CELF4: variants seen among roughly 807,000 people sequenced by gnomAD.
CELF4 encodes the protein CUG-BP- and ETR-3-like factor 4.
CELF4 carries 18 observed loss-of-function variants against 59.9 expected under a neutral mutation model. The observed-to-expected ratio is 0.30, with a 90% CI of 0.21 to 0.45. The LOEUF (loss-of-function observed/expected upper bound fraction) is 0.45. Among genes scored for constraint, CELF4 ranks in the 20% least tolerant of loss-of-function variants. The pLI, the probability that CELF4 is intolerant of heterozygous loss-of-function variation, is 1.00. For missense variants in CELF4, 456 were observed against 689.0 expected, an observed-to-expected ratio of 0.66 and a Z score of 3.79; for synonymous variants, 261 against 267.1, an observed-to-expected ratio of 0.98 and a Z score of 0.22.
intron 1 of CELF4, among the ~76,000 whole-genome samples, chr18:37,553,386 T>G (rs2099983841): frequency 6.6e-6 from 1 of 152,114 alleles, no homozygotes; most frequent in Admixed American, 6.5e-5. Flanking sequence ...ACGTAGCATA[T>G]GAGTGTGCCA....
At chr18:37,480,114 C>A (rs1422982643) in intron 2 of CELF4, among the ~76,000 whole-genome samples, 1 of 152,178 alleles carries the variant, frequency 6.6e-6, no homozygotes, top group Non-Finnish European at 1.5e-5. Context: ...GTTGTTTAAG[C>A]CACCCAATTT....
chr18:37,404,578 G>T (rs2099362290), intron 2 of CELF4, among the ~76,000 whole-genome samples: 1 of 152,278 alleles, frequency 6.6e-6, no homozygotes, highest in Admixed American at 6.5e-5. Context: ...GGCTGTGCCT[G>T]GGCCTGGACA....
chr18:37,432,276 C>T (rs944040008), intron 2 of CELF4, among the ~76,000 whole-genome samples: 2 of 152,262 alleles, frequency 1.3e-5, no homozygotes, highest in African/African-American at 4.8e-5. Context: ...TGTGGGGGCA[C>T]AGGCTCCAGA....
intron 2 of CELF4, among the ~76,000 whole-genome samples, chr18:37,457,193 C>T (rs2099780734): frequency 6.6e-6 from 1 of 152,192 alleles, no homozygotes; most frequent in African/African-American, 2.4e-5. Flanking sequence ...GCCCTGGCTC[C>T]CTGTGGCCTT....
At chr18:37,329,721 T>C (rs1007838769) in intron 2 of CELF4, among the ~76,000 whole-genome samples, 1 of 152,232 alleles carries the variant, frequency 6.6e-6, no homozygotes, top group African/African-American at 2.4e-5. Flanking sequence ...GAGCAGAGAC[T>C]CCAAGCCCCA....
At chr18:37,344,013 C>CTT (rs1269361495) in intron 2 of CELF4, among the ~76,000 whole-genome samples, 1 of 152,186 alleles carries the variant, frequency 6.6e-6, no homozygotes, top group Non-Finnish European at 1.5e-5. Flanking sequence ...AGCCCCTTCT[C>CTT]CAGGAAGCCC....
chr18:37,508,720 C>A (rs1018076871), intron 1 of CELF4, among the ~76,000 whole-genome samples: 69 of 152,206 alleles, frequency 4.5e-4, no homozygotes, highest in Middle Eastern at 6.3e-3. Context: ...GGGCCTGAAG[C>A]CCCCCTTGCG....
chr18:37,323,268 C>T (rs140787522), intron 2 of CELF4, among the ~76,000 whole-genome samples: 5 of 143,634 alleles, frequency 3.5e-5, no homozygotes, highest in Non-Finnish European at 7.7e-5. Context: ...GATGCCAGGG[C>T]CAGCCCACCG....
chr18:37,465,919 G>A (rs1461279619), intron 2 of CELF4, among the ~76,000 whole-genome samples: 2 of 152,122 alleles, frequency 1.3e-5, no homozygotes, highest in Non-Finnish European at 2.9e-5. Flanking sequence ...CAGAATCATG[G>A]GAGCCCAGAA....
chr18:37,510,446 A>G (rs890850299), intron 1 of CELF4, among the ~76,000 whole-genome samples: 1 of 152,174 alleles, frequency 6.6e-6, no homozygotes, highest in Non-Finnish European at 1.5e-5. Context: ...CTGCTCCTCT[A>G]GGCTTCCTTA....
chr18:37,314,027 G>A (rs2096772652), intron 3 of CELF4, among the ~76,000 whole-genome samples: 1 of 152,230 alleles, frequency 6.6e-6, no homozygotes, highest in African/African-American at 2.4e-5. Flanking sequence ...TCTCAGGGAT[G>A]CCTCCCAGGC....
intron 2 of CELF4, among the ~76,000 whole-genome samples, chr18:37,446,915 C>G (rs1022466948): frequency 2.0e-5 from 3 of 152,172 alleles, no homozygotes; most frequent in African/African-American, 2.4e-5. Flanking sequence ...TTCTTTTTCC[C>G]TCAAGGAGCT....
At chr18:37,375,420 G>T (rs1569568061) in intron 2 of CELF4, among the ~76,000 whole-genome samples, 1 of 152,164 alleles carries the variant, frequency 6.6e-6, no homozygotes, top group Non-Finnish European at 1.5e-5. Context: ...CCTTCAGCAA[G>T]GGGGCAGGGA....
intron 2 of CELF4, among the ~76,000 whole-genome samples, chr18:37,370,652 T>C (rs985546054): frequency 3.3e-5 from 5 of 152,164 alleles, no homozygotes; most frequent in Admixed American, 3.3e-4. Flanking sequence ...GCTTGTACTT[T>C]CCGCAGGTGG....
chr18:37,462,649 T>C (rs1219975771), intron 2 of CELF4, among the ~76,000 whole-genome samples: 1 of 151,646 alleles, frequency 6.6e-6, no homozygotes, highest in Non-Finnish European at 1.5e-5. Flanking sequence ...GAGAGGGGAG[T>C]AGGGTTGTTG....
intron 1 of CELF4, among the ~76,000 whole-genome samples, chr18:37,544,142 C>T (rs2099979668): frequency 8.1e-6 from 1 of 123,436 alleles, no homozygotes; most frequent in Non-Finnish European, 1.6e-5. Context: ...GTTGTGAACT[C>T]TTTTACTTCC....
At chr18:37,434,796 G>A (rs950791574) in intron 2 of CELF4, among the ~76,000 whole-genome samples, 3 of 151,962 alleles carry the variant, frequency 2.0e-5, no homozygotes, top group African/African-American at 7.3e-5. Context: ...TGGTCTCCTC[G>A]CCAACTCCCC....
intron 2 of CELF4, among the ~76,000 whole-genome samples, chr18:37,343,429 T>C (rs926491115): frequency 6.7e-6 from 1 of 149,798 alleles, no homozygotes; most frequent in Non-Finnish European, 1.5e-5. Flanking sequence ...TCCCAAAGGC[T>C]CCAAAATCCT....
At chr18:37,544,599 G>C (rs140254750) in intron 1 of CELF4, among the ~76,000 whole-genome samples, 2 of 152,328 alleles carry the variant, frequency 1.3e-5, no homozygotes, top group East Asian at 3.9e-4. Flanking sequence ...GTGTGTGCTT[G>C]TACGTATGTA....
Sources: gnomAD v4.1 joint callset for allele counts (sites outside exome capture counted in the v4.1 genomes callset) on GRCh38, gnomAD v4.1.1 for gene constraint, MANE v1.5 for transcripts, NCBI Gene and HGNC (gene_info 2026-07-23, HGNC 2026-07-21) for gene names.